The following LSAMP variants were observed in gnomAD, a reference collection of about 807,000 sequenced individuals.
LSAMP encodes the protein limbic system associated membrane protein.
In LSAMP, 7 loss-of-function variants were observed where a neutral mutation model predicts 38.6. That is an observed-to-expected ratio of 0.18 (90% CI 0.10 to 0.34). LSAMP has a LOEUF of 0.34. LSAMP is among the 10% of genes least tolerant of loss of function. The pLI is 1.00. For missense variants in LSAMP, 313 were observed against 420.0 expected (o/e 0.75, Z 2.23); for synonymous variants, 154 against 166.8 (o/e 0.92, Z 0.59).
intron 1 of LSAMP, among the ~76,000 whole-genome samples, chr3:116,404,379 C>T (rs2048876272): frequency 6.6e-6 from 1 of 151,996 alleles, no homozygotes; most frequent in South Asian, 2.1e-4. Context: ...AAAAATATGC[C>T]AGTTAGTACC....
intron 3 of LSAMP, among the ~76,000 whole-genome samples, chr3:115,920,875 A>T (rs1699751804): frequency 6.6e-6 from 1 of 150,834 alleles, no homozygotes; most frequent in African/African-American, 2.5e-5. Context: ...GGGTTCTCTG[A>T]TGTTGGGTGC....
intron 4 of LSAMP, among the ~76,000 whole-genome samples, chr3:115,848,215 A>G (rs2107515882): frequency 6.6e-6 from 1 of 152,278 alleles, no homozygotes; most frequent in Non-Finnish European, 1.5e-5. Flanking sequence ...CTTAAGGTCA[A>G]GAGTTTGAGA....
At chr3:116,207,228 C>T (rs1346192804) in intron 1 of LSAMP, among the ~76,000 whole-genome samples, 1 of 151,790 alleles carries the variant, frequency 6.6e-6, no homozygotes, top group African/African-American at 2.4e-5. Context: ...GATTGCAACC[C>T]CTGCCTTTTT....
chr3:115,822,591 C>T (rs1050736377), intron 6 of LSAMP, among the ~76,000 whole-genome samples: 2 of 152,124 alleles, frequency 1.3e-5, no homozygotes, highest in African/African-American at 4.8e-5. Flanking sequence ...AACTCCCAAC[C>T]TCAGGTGATC....
chr3:115,813,274 T>C (rs1933899303), intron 6 of LSAMP, among the ~76,000 whole-genome samples: 1 of 152,152 alleles, frequency 6.6e-6, no homozygotes, highest in Admixed American at 6.6e-5. Flanking sequence ...TTACCATACC[T>C]TTCCTGTCTA....
chr3:115,906,267 G>A (rs541568376), intron 3 of LSAMP, among the ~76,000 whole-genome samples: 5 of 152,212 alleles, frequency 3.3e-5, no homozygotes, highest in African/African-American at 7.2e-5. Flanking sequence ...TATTTATGCC[G>A]TTTCATCTAT....
At chr3:116,171,400 G>T (rs906496765) in intron 1 of LSAMP, among the ~76,000 whole-genome samples, 6 of 152,070 alleles carry the variant, frequency 3.9e-5, no homozygotes, top group African/African-American at 1.4e-4. Context: ...ATATTAAATA[G>T]AAAACCAAGT....
chr3:116,291,131 C>T (rs2107693708), intron 1 of LSAMP, among the ~76,000 whole-genome samples: 1 of 152,118 alleles, frequency 6.6e-6, no homozygotes, highest in East Asian at 1.9e-4. Flanking sequence ...GTCTCCTTAC[C>T]CCAATCTAAC....
intron 6 of LSAMP, among the ~76,000 whole-genome samples, chr3:115,824,807 T>C (rs1274406781): frequency 6.6e-6 from 1 of 152,142 alleles, no homozygotes; most frequent in Non-Finnish European, 1.5e-5. Context: ...ATATATGTCA[T>C]ATTTGTGTTT....
At chr3:116,327,223 GCCACATGTCCCT>G (rs1416907083) in intron 1 of LSAMP, among the ~76,000 whole-genome samples, 1 of 152,128 alleles carries the variant, frequency 6.6e-6, no homozygotes, top group Non-Finnish European at 1.5e-5. Context: ...GTAACAGGGA[GCCACATGTCCCT>G]CCATGACCTG....
At chr3:116,200,679 A>G (rs530452081) in intron 1 of LSAMP, among the ~76,000 whole-genome samples, 20 of 152,334 alleles carry the variant, frequency 1.3e-4, no homozygotes, top group African/African-American at 4.1e-4. Context: ...TGACTTCAAC[A>G]GGTTAAAGCT....
intron 1 of LSAMP, among the ~76,000 whole-genome samples, chr3:116,130,432 T>C (rs993927792): frequency 2.0e-5 from 3 of 152,238 alleles, no homozygotes; most frequent in African/African-American, 7.2e-5. Context: ...GCTTGTCCTT[T>C]TGAACATAGC....
Position 116,163,268 on chromosome 3 carries a change from T to C in LSAMP, c.156-76712A>G, listed in dbSNP as rs568029875. 4.0e-3 allele frequency among the ~76,000 whole-genome samples: 544 copies of C among 135,742 alleles called. 2 individuals are homozygous for C. Among genetic ancestry groups the C allele is most frequent in the African/African-American group, 0.014 (517 of 36,180 alleles). 89.1% of individuals were successfully genotyped at this position (135,742 alleles called of 152,430 possible). On this transcript the variant is annotated intron_variant, in intron 1 of 6. Transcript: ENST00000490035. ...AGTCCCCAGTGTGTGATGTTCCCCT[T>C]CCTGTGTCTATGTGTTCTCATTGTT...
intron 1 of LSAMP, among the ~76,000 whole-genome samples, chr3:116,371,380 G>A (rs901369694): frequency 3.9e-5 from 6 of 151,994 alleles, no homozygotes; most frequent in African/African-American, 1.2e-4. Flanking sequence ...TGGAATAAAG[G>A]ATGGTTTGAA....
intron 3 of LSAMP, among the ~76,000 whole-genome samples, chr3:115,914,130 C>A (rs1279472767): frequency 6.6e-6 from 1 of 152,120 alleles, no homozygotes; most frequent in African/African-American, 2.4e-5. Context: ...AATAGGCCCT[C>A]AAAAAAATGG....
At chr3:115,842,370 C>A in intron 5 of LSAMP, 88 bp downstream of exon 5, 1 of 1,495,002 alleles carries the variant, frequency 6.7e-7, no homozygotes. Flanking sequence ...ATAATTACAA[C>A]TGGCTTGGCT....
At chr3:116,022,420 TG>T (rs1384063063) in intron 2 of LSAMP, among the ~76,000 whole-genome samples, 1 of 152,196 alleles carries the variant, frequency 6.6e-6, no homozygotes, top group African/African-American at 2.4e-5. Context: ...CAGTGCAATC[TG>T]GATTCTCTCC....
At chr3:116,269,984 A>T (rs1239449029) in intron 1 of LSAMP, among the ~76,000 whole-genome samples, 1 of 152,192 alleles carries the variant, frequency 6.6e-6, no homozygotes, top group East Asian at 1.9e-4. Flanking sequence ...CTATTTAAAG[A>T]TTCTTCAAGC....
intron 4 of LSAMP, 107 bp downstream of exon 4, chr3:115,852,376 C>T: frequency 1.5e-6 from 2 of 1,306,116 alleles, no homozygotes; most frequent in Non-Finnish European, 2.1e-6. Flanking sequence ...GCCAGAGGAG[C>T]ATCTGCTTGA....
Sources: allele counts gnomAD v4.1 joint callset (sites outside exome capture counted in the v4.1 genomes callset), GRCh38; gene constraint gnomAD v4.1.1; transcripts MANE v1.5; gene names NCBI Gene and HGNC (gene_info 2026-07-23, HGNC 2026-07-21).